Variants in PRRG1 observed in about 807,000 individuals in gnomAD.
The protein encoded by PRRG1 is proline rich and Gla domain 1, also known as transmembrane gamma-carboxyglutamic acid protein 1.
A neutral mutation model predicts 11.8 loss-of-function variants in PRRG1; 5 were observed. The ratio of observed to expected loss-of-function variants is 0.42; its 90% CI spans 0.22 to 0.89. The LOEUF (loss-of-function observed/expected upper bound fraction) is 0.89. Ranked by LOEUF, PRRG1 falls within the 40% of genes least tolerant of loss-of-function variation. The pLI is 0.28. For synonymous variants in PRRG1, 66 were observed against 60.4 expected, an observed-to-expected ratio of 1.09 and a Z score of -0.43; for missense variants, 155 against 166.1, an observed-to-expected ratio of 0.93 and a Z score of 0.37.
At chrX:37,453,043 C>G (rs1486462447) in intron 3 of PRRG1, 93 bp from the exon 4 acceptor site, 1 of 998,795 alleles carries the variant, frequency 1.0e-6, no homozygotes, top group Non-Finnish European at 1.3e-6. Flanking sequence ...GGTTTTTGTT[C>G]ATTATGTTCA....
At chrX:37,397,977 AACACAC>A (rs782125904) in intron 1 of PRRG1, among the ~76,000 whole-genome samples, 21 of 83,996 alleles carry the variant, frequency 2.5e-4, no homozygotes, top group East Asian at 1.9e-3. Context: ...TATAAAAACT[AACACAC>A]ACACACACAC....
At chrX:37,439,509 G>A (rs972667781) in intron 3 of PRRG1, among the ~76,000 whole-genome samples, 1 of 111,818 alleles carries the variant, frequency 8.9e-6, no homozygotes, top group Non-Finnish European at 1.9e-5. Context: ...GCCCAAAATA[G>A]GAGCCAGGTC....
Position 37,453,659 on chromosome X carries a change from T to C in PRRG1, c.*38T>C. 8.9e-7 allele frequency: 1 copy of C among 1,121,702 alleles called. No homozygotes were observed. 92.4% of individuals were successfully genotyped at this position (1,121,702 alleles called of 1,213,427 possible). A position where few individuals can be genotyped will look rare whatever the true frequency, so the allele number is the denominator to read the frequency against. On this transcript the variant is annotated 3_prime_UTR_variant, in exon 4 of 4. Coordinates refer to ENST00000378628, the MANE Select transcript of PRRG1 (RefSeq NM_001142395.2). ...CTTTTTACTCTAATCATTTTTAAAA[T>C]ACTAATGGAAGAACTTTCTAGCACT...
At chrX:37,415,146 C>T (rs1932456931) in intron 2 of PRRG1, among the ~76,000 whole-genome samples, 1 of 112,332 alleles carries the variant, frequency 8.9e-6, no homozygotes, top group Admixed American at 9.4e-5. Context: ...CGGTGGCTCA[C>T]GCCTGTAATC....
intron 2 of PRRG1, among the ~76,000 whole-genome samples, chrX:37,406,885 A>G (rs1932203178): frequency 8.9e-6 from 1 of 111,781 alleles, no homozygotes; most frequent in African/African-American, 3.3e-5. Context: ...ATATCATGTC[A>G]ACCTAAAATA....
At chrX:37,417,961 AG>A (rs1932546899) in intron 2 of PRRG1, among the ~76,000 whole-genome samples, 1 of 112,093 alleles carries the variant, frequency 8.9e-6, no homozygotes, top group Admixed American at 9.5e-5. Flanking sequence ...ATATCCCAAA[AG>A]GATTCGGATC....
chrX:37,418,603 A>T (rs1295376585), intron 2 of PRRG1, among the ~76,000 whole-genome samples: 1 of 112,187 alleles, frequency 8.9e-6, no homozygotes, highest in Non-Finnish European at 1.9e-5. Context: ...GCTCTAAATT[A>T]GATTATATAA....
At chrX:37,436,765 C>T (rs1932889140) in intron 3 of PRRG1, among the ~76,000 whole-genome samples, 1 of 112,231 alleles carries the variant, frequency 8.9e-6, no homozygotes, top group Admixed American at 9.4e-5. Context: ...GGTGGAAGTC[C>T]AGTCTGGGCA....
rs182050168 is a variant in PRRG1, at chrX:37,450,801, C to G, written c.172-2335C>G. On this transcript the variant is annotated intron_variant, in intron 3 of 3. Coordinates refer to ENST00000378628, the MANE Select transcript of PRRG1 (RefSeq NM_001142395.2). The stretch of plus-strand genomic sequence containing the variant: ...ATAGATCAGATACTTGATAAGTTTA[C>G]TTTATTCTACTTGGTGCGGTTTGAT... Among the ~76,000 whole-genome samples the G allele has an allele frequency of 1.3e-4, 14 of 111,893 alleles. 1 individual carries two copies. The highest frequency in any genetic ancestry group is 1.2e-3 in the Admixed American group (13 of 10,550).
intron 1 of PRRG1, among the ~76,000 whole-genome samples, chrX:37,379,622 C>A (rs186725155): frequency 0.012 from 1,286 of 111,296 alleles, 19 homozygotes; most frequent in African/African-American, 0.039. Context: ...AGAAAATATT[C>A]CTGACCCATA....
intron 3 of PRRG1, among the ~76,000 whole-genome samples, chrX:37,428,045 C>A (rs1263097580): frequency 9.0e-6 from 1 of 111,240 alleles, no homozygotes; most frequent in Non-Finnish European, 1.9e-5. Context: ...TATTCACTAT[C>A]ATGAGAACAG....
intron 2 of PRRG1, among the ~76,000 whole-genome samples, chrX:37,425,429 T>C (rs974355398): frequency 8.9e-6 from 1 of 111,948 alleles, no homozygotes; most frequent in South Asian, 3.7e-4. Flanking sequence ...TGAAGTGTTA[T>C]TTATTTTTAG....
intron 1 of PRRG1, among the ~76,000 whole-genome samples, chrX:37,377,053 T>C (rs1288901882): frequency 9.0e-6 from 1 of 111,252 alleles, no homozygotes; most frequent in Non-Finnish European, 1.9e-5. Context: ...ATTACCTAAG[T>C]GTGAACGTTT....
intron 3 of PRRG1, among the ~76,000 whole-genome samples, chrX:37,434,505 GC>G (rs1313432427): frequency 8.9e-6 from 1 of 111,884 alleles, no homozygotes; most frequent in Non-Finnish European, 1.9e-5. Flanking sequence ...CCTCAATAAA[GC>G]TGAGTTGTCA....
intron 1 of PRRG1, among the ~76,000 whole-genome samples, chrX:37,401,841 A>G (rs1350994457): frequency 9.0e-6 from 1 of 110,805 alleles, no homozygotes; most frequent in African/African-American, 3.3e-5. Context: ...TACACCAACA[A>G]CAGACAAACA....
intron 2 of PRRG1, among the ~76,000 whole-genome samples, chrX:37,410,118 A>G (rs782105161): frequency 8.9e-6 from 1 of 111,937 alleles, no homozygotes; most frequent in African/African-American, 3.2e-5. Context: ...CCCATTCACT[A>G]TGTATGAATT....
intron 3 of PRRG1, chrX:37,442,056 C>A: frequency 1.3e-6 from 1 of 771,050 alleles, no homozygotes; most frequent in Admixed American, 7.7e-5. Context: ...CCCTGGGCGG[C>A]AGCGAGGAAG....
chrX:37,358,856 A>T (rs1405352031), intron 1 of PRRG1, among the ~76,000 whole-genome samples: 1 of 111,814 alleles, frequency 8.9e-6, no homozygotes, highest in Non-Finnish European at 1.9e-5. Flanking sequence ...TGAACATGGG[A>T]TATCTTTCCA....
chrX:37,412,204 C>T (rs988048335), intron 2 of PRRG1, among the ~76,000 whole-genome samples: 15 of 111,713 alleles, frequency 1.3e-4, no homozygotes, highest in Middle Eastern at 4.2e-3. Flanking sequence ...TCCTCTGGGT[C>T]CTTGCATGTG....
Sources: gnomAD v4.1 joint callset for allele counts (sites outside exome capture counted in the v4.1 genomes callset) on GRCh38, gnomAD v4.1.1 for gene constraint, MANE v1.5 for transcripts, NCBI Gene and HGNC (gene_info 2026-07-23, HGNC 2026-07-21) for gene names.